Variants in UBASH3B observed in about 807,000 individuals in gnomAD.
The protein encoded by UBASH3B is ubiquitin associated and SH3 domain containing B.
UBASH3B carries 37 observed loss-of-function variants against 83.4 expected under a neutral mutation model. The observed-to-expected ratio is 0.44, with a 90% CI of 0.34 to 0.58. The LOEUF is 0.58. Among genes scored for constraint, UBASH3B ranks in the 20% least tolerant of loss-of-function variants. UBASH3B has a pLI of 0.01. For missense variants in UBASH3B, 657 were observed against 827.2 expected (o/e 0.79, Z 2.52); for synonymous variants, 304 against 318.3 (o/e 0.96, Z 0.48).
chr11:122,805,791 T>C (rs990214219), intron 11 of UBASH3B, among the ~76,000 whole-genome samples: 2 of 152,100 alleles, frequency 1.3e-5, no homozygotes, highest in African/African-American at 2.4e-5. Flanking sequence ...CCTTTGTAGA[T>C]TGTATAGTAA....
chr11:122,686,906 C>T (rs1370814492), intron 1 of UBASH3B, among the ~76,000 whole-genome samples: 2 of 151,320 alleles, frequency 1.3e-5, no homozygotes, highest in African/African-American at 2.4e-5. Flanking sequence ...CTAGCTCTGT[C>T]GCCCAGGCTG....
chr11:122,804,223 T>C (rs1861301378), intron 11 of UBASH3B, among the ~76,000 whole-genome samples: 1 of 151,906 alleles, frequency 6.6e-6, no homozygotes, highest in Non-Finnish European at 1.5e-5. Flanking sequence ...GAGGTGGGGA[T>C]GGGGACAGAA....
rs1174222759 is a variant in UBASH3B, at chr11:122,811,101, C to T, written c.*1215C>T. On this transcript the variant is annotated 3_prime_UTR_variant, in exon 14 of 14. Transcript: ENST00000284273. Reference sequence around the variant, plus strand: ...TGGAGAGCCACATTCTGTGGTTTCTCATTATACTTACTTCCTGCATTTAGA... The same window carrying T: ...TGGAGAGCCACATTCTGTGGTTTCTTATTATACTTACTTCCTGCATTTAGA... 1 of 152,562 alleles carries T rather than the reference C, an allele frequency of 6.6e-6. No individual in the cohort carries two copies. Among genetic ancestry groups the T allele is most frequent in the Non-Finnish European group, 1.5e-5 (1 of 68,034 alleles). 9.5% of individuals were successfully genotyped at this position (152,562 alleles called of 1,614,324 possible). A position where few individuals can be genotyped will look rare whatever the true frequency, so the allele number is the denominator to read the frequency against.
At chr11:122,731,472 A>T (rs1028779069) in intron 1 of UBASH3B, among the ~76,000 whole-genome samples, 1 of 152,244 alleles carries the variant, frequency 6.6e-6, no homozygotes. Context: ...AATAATGGTC[A>T]TGTGAACATA....
chr11:122,685,536 T>C (rs1436885405), intron 1 of UBASH3B, among the ~76,000 whole-genome samples: 1 of 152,172 alleles, frequency 6.6e-6, no homozygotes, highest in Non-Finnish European at 1.5e-5. Flanking sequence ...ACTATTATTA[T>C]TTTTTTGTGT....
chr11:122,752,206 ATCCCCATCCC>A (rs1337207752), intron 1 of UBASH3B, among the ~76,000 whole-genome samples: 3 of 152,006 alleles, frequency 2.0e-5, no homozygotes, highest in Non-Finnish European at 2.9e-5. Flanking sequence ...TCAACCATCC[ATCCCCATCCC>A]TCCCCATCCC....
chr11:122,725,851 G>T (rs1422020957), intron 1 of UBASH3B, among the ~76,000 whole-genome samples: 31 of 151,958 alleles, frequency 2.0e-4, no homozygotes, highest in African/African-American at 7.2e-4. Context: ...GCACCACCAC[G>T]CCGGCCAATT....
chr11:122,690,261 T>C (rs9666505), intron 1 of UBASH3B, among the ~76,000 whole-genome samples: 2 of 137,614 alleles, frequency 1.5e-5, no homozygotes, highest in Non-Finnish European at 3.1e-5. Context: ...TCCAATTATA[T>C]ATATATATAT....
chr11:122,660,044 G>A (rs142016940), intron 1 of UBASH3B, among the ~76,000 whole-genome samples: 111 of 152,312 alleles, frequency 7.3e-4, no homozygotes, highest in South Asian at 2.5e-3. Flanking sequence ...TGAGGGGAAC[G>A]CAATTAATGA....
At chr11:122,787,634 C>T (rs1860978275) in intron 5 of UBASH3B, among the ~76,000 whole-genome samples, 1 of 152,190 alleles carries the variant, frequency 6.6e-6, no homozygotes, top group Admixed American at 6.5e-5. Flanking sequence ...GTCCAGGGAT[C>T]AGGGTCGGCT....
chr11:122,792,132 G>C (rs1861064921), intron 6 of UBASH3B, among the ~76,000 whole-genome samples: 1 of 152,092 alleles, frequency 6.6e-6, no homozygotes, highest in Non-Finnish European at 1.5e-5. Context: ...AAGGGAAAGA[G>C]GCTGGCATTC....
intron 1 of UBASH3B, among the ~76,000 whole-genome samples, chr11:122,746,964 T>C (rs1861128727): frequency 6.6e-6 from 1 of 152,084 alleles, no homozygotes; most frequent in African/African-American, 2.4e-5. Flanking sequence ...AAAGGGGGAA[T>C]GTGGACAATC....
chr11:122,787,190 G>A (rs1453974715), intron 5 of UBASH3B, among the ~76,000 whole-genome samples: 1 of 152,288 alleles, frequency 6.6e-6, no homozygotes, highest in East Asian at 1.9e-4. Flanking sequence ...AAAAAAGAAT[G>A]TTCCTTTTCA....
chr11:122,735,368 A>G (rs942597419), intron 1 of UBASH3B, among the ~76,000 whole-genome samples: 1 of 152,354 alleles, frequency 6.6e-6, no homozygotes, highest in Non-Finnish European at 1.5e-5. Context: ...TAACCAGAAC[A>G]GCTTGTCACA....
rs774052032 is a variant in UBASH3B at position 122,806,492 on chromosome 11, A to T, written c.1678A>T (p.Ile560Leu). 1 of 1,605,298 alleles carries T rather than the reference A, an allele frequency of 6.2e-7. No homozygotes were observed. The highest frequency in any genetic ancestry group is 8.5e-7 in the Non-Finnish European group (1 of 1,176,756). Reference protein sequence around the residue: ...ISRSFQVTKEIISECKSKGNN... With the variant: ...ISRSFQVTKELISECKSKGNN... ...TAGAAGTTTCCAAGTAACAAAAGAA[A>T]TAATAAGTGAATGTAAAAGTAAAGG... Residue 560 changes from isoleucine (I) to leucine (L), a missense_variant, in exon 12 of 14, where the codon ATA (isoleucine) becomes TTA (leucine). Around this residue, in one of 3 missense-constraint regions of UBASH3B, gnomAD observed 573 missense variants for 739.0 expected, o/e 0.78. Transcript: ENST00000284273. This position sits in a 1 kb window ranked among gnomAD's most constrained non-coding sequence, Gnocchi z 4.0.
At chr11:122,778,185 T>G (rs1031881949) in intron 3 of UBASH3B, among the ~76,000 whole-genome samples, 8 of 152,226 alleles carry the variant, frequency 5.3e-5, no homozygotes, top group African/African-American at 1.9e-4. Flanking sequence ...AAAAAATATT[T>G]TGCTTTCTTC....
At chr11:122,739,725 G>C (rs998700159) in intron 1 of UBASH3B, among the ~76,000 whole-genome samples, 2 of 152,168 alleles carry the variant, frequency 1.3e-5, no homozygotes, top group African/African-American at 4.8e-5. Context: ...TGACAAATTG[G>C]CATAGCTCAT....
At chr11:122,714,687 T>A (rs1860476819) in intron 1 of UBASH3B, among the ~76,000 whole-genome samples, 1 of 152,168 alleles carries the variant, frequency 6.6e-6, no homozygotes, top group Admixed American at 6.5e-5. Flanking sequence ...TGGTGAGAAT[T>A]AAGCCTGAAA....
At position 122,796,202 on chromosome 11, in the gene UBASH3B, T is replaced by G; in HGVS notation, c.1160T>G (p.Phe387Cys). 1 of 1,614,140 alleles carries G rather than the reference T, an allele frequency of 6.2e-7. No homozygotes were observed. The highest frequency in any genetic ancestry group is 1.3e-5 in the African/African-American group (1 of 75,042). Residue 387 changes from phenylalanine (F) to cysteine (C), a missense_variant, in exon 8 of 14, where the codon TTT becomes TGT. This residue lies in a region of UBASH3B where 573 missense variants were observed against 739.0 expected (regional missense o/e 0.78). Transcript: ENST00000284273. ...SQPGPQKRCL[F>C]VCRHGERMDV... ...CCCGGCCCCCAGAAGCGATGCCTTTTTGTGTGTCGGCATGGTGAGAGGATG... is the reference window on the plus strand; with the variant it reads ...CCCGGCCCCCAGAAGCGATGCCTTTGTGTGTGTCGGCATGGTGAGAGGATG...
Sources: gnomAD v4.1 joint callset for allele counts (sites outside exome capture counted in the v4.1 genomes callset) on GRCh38, gnomAD v4.1.1 for gene constraint, gnomAD v4.1.1 regional missense constraint, Gnocchi (gnomAD v3.1) non-coding constraint, MANE v1.5 for transcripts, NCBI Gene and HGNC (gene_info 2026-07-23, HGNC 2026-07-21) for gene names.